The following RESF1 variants were observed in gnomAD, a reference collection of about 807,000 sequenced individuals.
RESF1 encodes the protein retroelement silencing factor 1.
Under a neutral mutation model 134.7 loss-of-function variants are expected in RESF1, and 65 were observed. The observed-to-expected ratio is 0.48, with a 90% CI of 0.40 to 0.59. RESF1 has a LOEUF of 0.59. Ranked by LOEUF, RESF1 falls within the 20% of genes least tolerant of loss-of-function variation. RESF1 has a pLI of 0.00. For synonymous variants in RESF1, 762 were observed against 702.2 expected, an observed-to-expected ratio of 1.09 and a Z score of -1.35; for missense variants, 2,274 against 2,002.7, an observed-to-expected ratio of 1.14 and a Z score of -2.59.
chr12:31,961,054 A>G (rs1939255096), intron 2 of RESF1, among the ~76,000 whole-genome samples, 183 bp downstream of exon 2: 1 of 152,258 alleles, frequency 6.6e-6, no homozygotes, highest in Non-Finnish European at 1.5e-5. Context: ...TGTTGTTGGC[A>G]TAGTACTGAA....
chr12:31,981,462 C>T lies in RESF1; in HGVS notation c.507C>T (p.Ile169=), dbSNP rs764187615. 4 of 1,614,002 alleles carry T rather than the reference C, an allele frequency of 2.5e-6. No individual in the cohort carries two copies. The South Asian group carries it at 3.3e-5, about 13-fold the overall frequency. ...SDTYSMQMQM[I]PSNSTRLPVA... ...CCTATTCTATGCAAATGCAGATGAT[C>T]CCTTCTAATTCTACACGACTTCCTG... The change falls in exon 4 of 6, where the codon ATC becomes ATT. Residue 169 remains isoleucine, a synonymous_variant. Transcript: ENST00000312561.
intron 3 of RESF1, among the ~76,000 whole-genome samples, chr12:31,970,582 A>G (rs1419905561): frequency 2.6e-5 from 4 of 152,246 alleles, no homozygotes; most frequent in Non-Finnish European, 4.4e-5. Flanking sequence ...TTAAGTAAAC[A>G]AGCTTCCAGA....
At chr12:31,965,932 T>C (rs1939389768) in intron 2 of RESF1, among the ~76,000 whole-genome samples, 1 of 152,130 alleles carries the variant, frequency 6.6e-6, no homozygotes, top group East Asian at 1.9e-4. Context: ...AATACAGTTT[T>C]TACCTCAACA....
chr12:31,976,320 G>A (rs966375923), intron 3 of RESF1, among the ~76,000 whole-genome samples: 1 of 152,172 alleles, frequency 6.6e-6, no homozygotes, highest in African/African-American at 2.4e-5. Flanking sequence ...ATAGCATGCT[G>A]TTCAGTGGAA....
chr12:31,961,297 C>T (rs960090439), intron 2 of RESF1, among the ~76,000 whole-genome samples: 1 of 152,204 alleles, frequency 6.6e-6, no homozygotes, highest in Admixed American at 6.5e-5. Context: ...TCTGTAACCA[C>T]AAAGTGTGTT....
At position 31,984,031 on chromosome 12, in the gene RESF1, G is replaced by C; in HGVS notation, c.3076G>C (p.Asp1026His). Residue 1026 changes from aspartate to histidine, a missense_variant, in exon 4 of 6, where the codon GAT becomes CAT. Coordinates refer to ENST00000312561, the MANE Select transcript of RESF1 (RefSeq NM_018169.4). ...IQEDIYPQEI[D>H]ASSNYTPQDP... ...GGAGGATATTTACCCTCAGGAAATA[G>C]ATGCATCCAGCAACTATACTCCCCA... 6.2e-7 allele frequency: 1 copy of C among 1,614,068 alleles called. No homozygotes were observed. The highest frequency in any genetic ancestry group is 8.5e-7 in the Non-Finnish European group (1 of 1,180,000).
chr12:31,981,486 T>C lies in RESF1; in HGVS notation c.531T>C (p.Pro177=). The change falls in exon 4 of 6, where the codon CCT becomes CCC. Residue 177 remains proline (P), a synonymous_variant. Transcript: ENST00000312561. ...TCCCTTCTAATTCTACACGACTTCCTGTAGCTTACCAAGGAAATCAGGGAC... is the reference window on the plus strand; with the variant it reads ...TCCCTTCTAATTCTACACGACTTCCCGTAGCTTACCAAGGAAATCAGGGAC... ...QMIPSNSTRL[P]VAYQGNQGLN... is the part of the protein sequence containing the mutation. The C allele has an allele frequency of 4.3e-6, 7 of 1,614,144 alleles. No homozygotes were observed. The highest frequency in any genetic ancestry group is 5.9e-6 in the Non-Finnish European group (7 of 1,180,014).
Position 31,985,099 on chromosome 12 carries a change from G to T in RESF1, c.4144G>T (p.Val1382Leu), listed in dbSNP as rs762498738. The T allele has an allele frequency of 1.3e-6, 2 of 1,558,836 alleles. No individual in the cohort carries two copies. Among genetic ancestry groups the T allele is most frequent in the East Asian group, 2.2e-5 (1 of 44,448 alleles). ...AAAACGAAAGTTAGACCAAGGGAAC[G>T]TATTAGATATGGAAGTAAAGAAAAA... Reference protein sequence around the residue: ...KQKRKLDQGNVLDMEVKKKKH... With the variant: ...KQKRKLDQGNLLDMEVKKKKH... The change falls in exon 4 of 6, where the codon GTA becomes TTA. Residue 1382 changes from valine (V) to leucine (L), a missense_variant. Physicochemically the swap from Val to Leu is conservative, Grantham distance 32 (BLOSUM62 1). Coordinates refer to ENST00000312561, the MANE Select transcript of RESF1 (RefSeq NM_018169.4).
Position 31,983,854 on chromosome 12 carries a change from C to T in RESF1, c.2899C>T (p.His967Tyr), listed in dbSNP as rs1185308231. 1 of 1,613,420 alleles carries T rather than the reference C, an allele frequency of 6.2e-7. No individual in the cohort carries two copies. Among genetic ancestry groups the T allele is most frequent in the Non-Finnish European group, 8.5e-7 (1 of 1,179,994 alleles). ...ACCTGTACAGTGCACAGATGTTTCA[C>T]ATAAAATATGTGATCAGTCAAAGTC... Reference protein sequence around the residue: ...DKPVQCTDVSHKICDQSKSEP... With the variant: ...DKPVQCTDVSYKICDQSKSEP... The change falls in exon 4 of 6, where the codon CAT (histidine) becomes TAT (tyrosine). Residue 967 changes from histidine to tyrosine, a missense_variant. Transcript: ENST00000312561.
At chr12:31,985,998 A>G in intron 4 of RESF1, 41 bp downstream of exon 4, 1 of 1,340,096 alleles carries the variant, frequency 7.5e-7, no homozygotes, top group Non-Finnish European at 9.8e-7. Flanking sequence ...AATATTGTAA[A>G]GAGTCGTAGG....
Position 31,982,121 on chromosome 12 carries a change from C to T in RESF1, c.1166C>T (p.Ala389Val), listed in dbSNP as rs748886668. The T allele has an allele frequency of 1.2e-6, 2 of 1,613,798 alleles. No individual in the cohort carries two copies. The highest frequency in any genetic ancestry group is 1.7e-6 in the Non-Finnish European group (2 of 1,179,952). Residue 389 changes from alanine to valine, a missense_variant, in exon 4 of 6, where the codon GCA becomes GTA. Physicochemically the swap from Ala to Val is moderately conservative, Grantham distance 64. Coordinates refer to ENST00000312561, the MANE Select transcript of RESF1 (RefSeq NM_018169.4). ...AATCAAGTACTGGACACAAGTGTTG[C>T]AAAAGAAAAGCTAGTAAGGGATATT... is the stretch of plus-strand genomic sequence containing the variant. ...TSNQVLDTSV[A>V]KEKLVRDIKT...
At position 31,985,583 on chromosome 12, in the gene RESF1, A is replaced by C; in HGVS notation, c.4628A>C (p.Lys1543Thr). ...LRNVKEKVGGKQPDKIWIDKT... is the reference protein window; with the variant it reads ...LRNVKEKVGGTQPDKIWIDKT... ...AATGTTAAAGAAAAAGTTGGTGGGA[A>C]GCAGCCTGATAAAATATGGATTGAT... The change falls in exon 4 of 6, where the codon AAG (lysine) becomes ACG (threonine). Residue 1543 changes from lysine to threonine, a missense_variant. By Grantham distance (78) the Lys-to-Thr change is moderately conservative. Transcript: ENST00000312561. 1 of 1,602,476 alleles carries C rather than the reference A, an allele frequency of 6.2e-7. No individual in the cohort carries two copies. The highest frequency in any genetic ancestry group is 8.5e-7 in the Non-Finnish European group (1 of 1,176,860).
At chr12:31,964,627 C>CATAG (rs1459891087) in intron 2 of RESF1, among the ~76,000 whole-genome samples, 1 of 152,156 alleles carries the variant, frequency 6.6e-6, no homozygotes, top group African/African-American at 2.4e-5. Flanking sequence ...GGTCTACATC[C>CATAG]ATAGACACTT....
At chr12:31,991,144 G>A (rs190936621) in intron 5 of RESF1, among the ~76,000 whole-genome samples, 3 of 150,760 alleles carry the variant, frequency 2.0e-5, no homozygotes, top group Admixed American at 1.3e-4. Context: ...GCTGCAATAA[G>A]CCCTGATGCA....
chr12:31,977,801 CTTTTTTTT>C (rs3075963), intron 3 of RESF1, among the ~76,000 whole-genome samples: 1,561 of 124,370 alleles, frequency 0.013, 17 homozygotes, highest in Middle Eastern at 0.035. Context: ...TTCTTTCTTT[CTTTTTTTT>C]TTTTTTTTTT....
intron 5 of RESF1, among the ~76,000 whole-genome samples, chr12:31,989,809 A>AC (rs1331850473): frequency 2.6e-5 from 4 of 152,022 alleles, no homozygotes; most frequent in African/African-American, 9.7e-5. Flanking sequence ...CTGAGATCGG[A>AC]CCACTGCACT....
At chr12:31,975,352 A>T (rs1939609062) in intron 3 of RESF1, among the ~76,000 whole-genome samples, 2 of 152,238 alleles carry the variant, frequency 1.3e-5, no homozygotes, top group South Asian at 4.1e-4. Context: ...CAAAACTCTA[A>T]GGTTCCACTA....
rs898973374 is a variant in RESF1 at position 31,984,616 on chromosome 12, A to G, written c.3661A>G (p.Thr1221Ala). The G allele has an allele frequency of 1.9e-6, 3 of 1,575,730 alleles. No homozygotes were observed. Among genetic ancestry groups the G allele is most frequent in the Admixed American group, 2.0e-5 (1 of 50,392 alleles). ...CAACAGTTGTAAACAAGGAGAGAGA[A>G]CTTCTGATAGAGATGTCACTGTTGT... ...DTNSCKQGERTSDRDVTVVQF... is the reference protein window; with the variant it reads ...DTNSCKQGERASDRDVTVVQF... Residue 1221 changes from threonine to alanine, a missense_variant, in exon 4 of 6, where the codon ACT (threonine) becomes GCT (alanine). Transcript: ENST00000312561.
intron 3 of RESF1, among the ~76,000 whole-genome samples, chr12:31,979,334 G>GGT (rs1467569266): frequency 6.6e-6 from 1 of 152,120 alleles, no homozygotes; most frequent in African/African-American, 2.4e-5. Flanking sequence ...TCTACCTGAT[G>GGT]TTACCATCAG....
Sources: gnomAD v4.1 joint callset for allele counts (sites outside exome capture counted in the v4.1 genomes callset) on GRCh38, gnomAD v4.1.1 for gene constraint, MANE v1.5 for transcripts, NCBI Gene and HGNC (gene_info 2026-07-23, HGNC 2026-07-21) for gene names.